GLOD4: variants seen among roughly 807,000 people sequenced by gnomAD.
GLOD4 encodes the protein glyoxalase domain-containing protein 4.
Under a neutral mutation model 39.1 loss-of-function variants are expected in GLOD4, and 44 were observed. That is an observed-to-expected ratio of 1.13 (90% CI 0.88 to 1.45). The LOEUF is 1.45. Ranked by LOEUF, GLOD4 falls within the 40% of genes most tolerant of loss-of-function variation. The pLI is 0.00. For synonymous variants in GLOD4, 145 were observed against 135.0 expected (o/e 1.07, Z -0.52); for missense variants, 405 against 366.4 (o/e 1.11, Z -0.86).
At position 767,601 on chromosome 17, in the gene GLOD4, A is replaced by C. The variant is rs59837854; in HGVS notation, c.831+2268T>G. 9.8e-4 allele frequency among the ~76,000 whole-genome samples: 143 copies of C among 146,208 alleles called. 2 individuals carry two copies. Among genetic ancestry groups the C allele is most frequent in the African/African-American group, 3.6e-3 (141 of 39,290 alleles). ...CTCAGATTTTTAGAAGAAGAAATCTAGAGAGGACGTGAGAGAGAGAAACAG... is the reference window on the plus strand; with the variant it reads ...CTCAGATTTTTAGAAGAAGAAATCTCGAGAGGACGTGAGAGAGAGAAACAG... On this transcript the variant is annotated intron_variant, in intron 8 of 8. Transcript: ENST00000301329.
rs1455459270 is a variant in GLOD4, at chr17:775,620, G to A, written c.406+155C>T. Among the ~76,000 whole-genome samples, 5 of 152,202 alleles carry A rather than the reference G, an allele frequency of 3.3e-5. No individual in the cohort carries two copies. In the East Asian group the frequency reaches 9.6e-4, roughly 29 times the overall value. On this transcript the variant is annotated intron_variant, in intron 4 of 8. Coordinates refer to ENST00000301329, the MANE Select transcript of GLOD4 (RefSeq NM_016080.4). ...CTGCTATGTATTTAAGTTCTGATAT[G>A]AGAATGTAGTCTCTCCGATAACAGG...
chr17:769,860 G>A lies in GLOD4; in HGVS notation c.831+9C>T. ...CCCATGGTGACATAAATGTAGAAAT[G>A]GGACTCACATCATCCAACAATTTGC... is the stretch of plus-strand genomic sequence containing the variant. On this transcript the variant is annotated intron_variant, in intron 8 of 8. Transcript: ENST00000301329. The A allele has an allele frequency of 6.8e-7, 1 of 1,474,734 alleles. No individual in the cohort carries two copies. The highest frequency in any genetic ancestry group is 9.5e-7 in the Non-Finnish European group (1 of 1,052,548). The allele number at this position is 1,474,734 out of a possible 1,614,324, so 91.4% of individuals were successfully genotyped here.
At chr17:781,685 A>T (rs1909981457) in intron 1 of GLOD4, among the ~76,000 whole-genome samples, 1 of 152,330 alleles carries the variant, frequency 6.6e-6, no homozygotes, top group South Asian at 2.1e-4. Context: ...GGTGCTGTTG[A>T]AAAGCAGATG....
intron 8 of GLOD4, among the ~76,000 whole-genome samples, chr17:768,131 A>C (rs71357108): frequency 6.8e-6 from 1 of 147,526 alleles, no homozygotes; most frequent in Non-Finnish European, 1.5e-5. Context: ...AACAGCGTGC[A>C]CTCAGATTTT....
intron 7 of GLOD4, 32 bp downstream of exon 7, chr17:770,012 T>C: frequency 3.9e-6 from 6 of 1,555,684 alleles, no homozygotes; most frequent in Non-Finnish European, 4.4e-6. Flanking sequence ...AAACCCCTGG[T>C]CCAGCCTGCC....
chr17:782,312 C>A (rs759618173), upstream of GLOD4: 2 of 1,611,048 alleles, frequency 1.2e-6, no homozygotes, highest in Non-Finnish European at 1.7e-6. Context: ...ACGAAGGGCG[C>A]CACGGGCCGT....
chr17:782,114 C>T (rs764000545), intron 1 of GLOD4, 52 bp downstream of exon 1: 34 of 1,399,656 alleles, frequency 2.4e-5, no homozygotes, highest in South Asian at 1.8e-4. Context: ...AGGGCCGGCT[C>T]GGGCGCCGGT....
intron 6 of GLOD4, 77 bp from the exon 7 acceptor site, chr17:770,234 T>G (rs759910427): frequency 1.2e-6 from 1 of 806,512 alleles, no homozygotes; most frequent in Non-Finnish European, 2.1e-6. Flanking sequence ...CCTAGAGGAG[T>G]ATCAGATACC....
intron 4 of GLOD4, among the ~76,000 whole-genome samples, chr17:775,106 T>TA (rs60310367): frequency 0.042 from 3,694 of 87,260 alleles, 62 homozygotes; most frequent in East Asian, 0.082. Context: ...ATAAAAATAC[T>TA]AAAAAAAAAA....
chr17:783,291 G>A (rs1248301452), upstream of GLOD4: 22 of 1,613,660 alleles, frequency 1.4e-5, no homozygotes, highest in African/African-American at 2.7e-5. Flanking sequence ...GGATATCAAG[G>A]ATTGGTCCGA....
At chr17:765,834 A>T (rs1906440764) in intron 8 of GLOD4, among the ~76,000 whole-genome samples, 1 of 151,754 alleles carries the variant, frequency 6.6e-6, no homozygotes, top group Non-Finnish European at 1.5e-5. Flanking sequence ...CTGTAATCCC[A>T]GCTACCAGCT....
intron 8 of GLOD4, among the ~76,000 whole-genome samples, chr17:760,681 GA>G (rs1349699323): frequency 3.3e-5 from 5 of 152,212 alleles, no homozygotes; most frequent in Non-Finnish European, 7.3e-5. Flanking sequence ...GGCCAAATAT[GA>G]AACTCTACGT....
chr17:782,409 G>C (rs1165154168), upstream of GLOD4: 1 of 1,613,898 alleles, frequency 6.2e-7, no homozygotes, highest in Non-Finnish European at 8.5e-7. Flanking sequence ...CGCGAGGTTT[G>C]TCGTGCGACC....
intron 3 of GLOD4, 110 bp from the exon 4 acceptor site, chr17:776,029 G>C: frequency 1.3e-6 from 1 of 760,546 alleles, no homozygotes; most frequent in African/African-American, 1.8e-5. Context: ...AATCACCTAA[G>C]ATTTAACTGG....
At chr17:784,585 G>T (rs769155922), upstream of GLOD4, among the ~76,000 whole-genome samples, 6 of 151,996 alleles carry the variant, frequency 3.9e-5, no homozygotes, top group Non-Finnish European at 7.4e-5. Context: ...GCTTACAGTG[G>T]CCAACCCATC....
intron 8 of GLOD4, among the ~76,000 whole-genome samples, chr17:766,221 A>G (rs1019907697): frequency 2.7e-5 from 4 of 149,362 alleles, no homozygotes; most frequent in African/African-American, 9.9e-5. Context: ...TCACTGGAAC[A>G]TAGGAGGCGG....
chr17:772,813 G>A (rs1337447670), intron 4 of GLOD4, among the ~76,000 whole-genome samples: 1 of 152,060 alleles, frequency 6.6e-6, no homozygotes, highest in Non-Finnish European at 1.5e-5. Flanking sequence ...GGCTAACACG[G>A]TGAAACCCCG....
chr17:768,516 G>A (rs149562115), intron 8 of GLOD4, among the ~76,000 whole-genome samples: 382 of 59,234 alleles, frequency 6.4e-3, no homozygotes, highest in Non-Finnish European at 6.9e-3. Context: ...GAAACAGCGC[G>A]CACTCAGATT....
At chr17:760,840 C>A (rs1461376476) in intron 8 of GLOD4, among the ~76,000 whole-genome samples, 3 of 152,204 alleles carry the variant, frequency 2.0e-5, no homozygotes, top group Admixed American at 1.3e-4. Context: ...ATAGTCACAG[C>A]CACTTGGAGG....
Sources: gnomAD v4.1 joint callset for allele counts (sites outside exome capture counted in the v4.1 genomes callset) on GRCh38, gnomAD v4.1.1 for gene constraint, MANE v1.5 for transcripts, NCBI Gene and HGNC (gene_info 2026-07-23, HGNC 2026-07-21) for gene names.